The following KAZN variants were observed in gnomAD, a reference collection of about 807,000 sequenced individuals.
KAZN encodes kazrin.
Under a neutral mutation model 87.4 loss-of-function variants are expected in KAZN, and 40 were observed. The observed-to-expected ratio is 0.46, with a 90% confidence interval of 0.36 to 0.60. KAZN has a LOEUF of 0.60. Ranked by LOEUF, KAZN falls within the 20% of genes least tolerant of loss-of-function variation. The pLI is 0.00. For missense variants in KAZN, 898 were observed against 1,073.9 expected, an observed-to-expected ratio of 0.84 and a Z score of 2.29; for synonymous variants, 466 against 458.3, an observed-to-expected ratio of 1.02 and a Z score of -0.22.
chr1:15,087,399 C>CTTT (rs142552383), intron 8 of KAZN, among the ~76,000 whole-genome samples: 1 of 108,386 alleles, frequency 9.2e-6, no homozygotes, highest in African/African-American at 3.0e-5. Context: ...GCACTTTTTT[C>CTTT]TTTTTTTTTT....
chr1:14,680,436 C>T (rs946792972), intron 1 of KAZN, among the ~76,000 whole-genome samples: 10 of 152,112 alleles, frequency 6.6e-5, no homozygotes, highest in Admixed American at 3.3e-4. Flanking sequence ...TGTTGGGCTG[C>T]TTTCACTCAG....
rs1393302089 is a variant in KAZN at position 14,755,864 on chromosome 1, G to A, written c.226+156641G>A. 2.6e-5 allele frequency among the ~76,000 whole-genome samples: 4 copies of A among 152,190 alleles called. No individual in the cohort carries two copies. The East Asian group carries it at 7.7e-4, about 29-fold the overall frequency. Reference sequence around the variant, plus strand: ...TTAGGAGAAACCTGGAGAATTAGCAGGCACACAAAGCCACCTCTTGACTGG... The same window carrying A: ...TTAGGAGAAACCTGGAGAATTAGCAAGCACACAAAGCCACCTCTTGACTGG... On this transcript the variant is annotated intron_variant, in intron 1 of 14. Coordinates refer to ENST00000376030, the MANE Select transcript of KAZN (RefSeq NM_201628.3).
At chr1:14,315,768 A>G (rs1655611328) in intron 2 of KAZN, among the ~76,000 whole-genome samples, 1 of 152,076 alleles carries the variant, frequency 6.6e-6, no homozygotes, top group African/African-American at 2.4e-5. Context: ...TTCCCTTGAA[A>G]GTGTATACCA....
At position 15,104,105 on chromosome 1, in the gene KAZN, C is replaced by T; in HGVS notation, c.1964C>T (p.Ala655Val). ...CCCACATTCAATGCCGAGGCCATGGCCACTGCCCTGGGCATCCCCAGTGGG... is the reference window on the plus strand; with the variant it reads ...CCCACATTCAATGCCGAGGCCATGGTCACTGCCCTGGGCATCCCCAGTGGG... ...LEPTFNAEAM[A>V]TALGIPSGKH... The change falls in exon 13 of 15, where the codon GCC becomes GTC. Residue 655 changes from alanine (A) to valine (V), a missense_variant. Around this residue, in one of 3 missense-constraint regions of KAZN, gnomAD observed 521 missense variants for 689.4 expected, o/e 0.76. Transcript: ENST00000376030. The T allele has an allele frequency of 6.2e-7, 1 of 1,612,262 alleles. No homozygotes were observed. The highest frequency in any genetic ancestry group is 8.5e-7 in the Non-Finnish European group (1 of 1,179,308).
upstream of KAZN, among the ~76,000 whole-genome samples, chr1:14,595,123 G>A (rs1043893820): frequency 3.0e-5 from 4 of 134,738 alleles, no homozygotes; most frequent in Non-Finnish European, 6.3e-5. Flanking sequence ...CAGCCTGGGA[G>A]ACAGACCAAG....
chr1:13,980,794 T>C (rs909547666), intron 1 of KAZN, among the ~76,000 whole-genome samples: 1 of 152,076 alleles, frequency 6.6e-6, no homozygotes, highest in Non-Finnish European at 1.5e-5. Context: ...TGAAGCCTTC[T>C]TCACTTCCAT....
Position 14,064,750 on chromosome 1 carries a change from T to C in KAZN, c.92-115685T>C, listed in dbSNP as rs569210128. Among the ~76,000 whole-genome samples the C allele has an allele frequency of 2.4e-4, 36 of 152,226 alleles. 1 individual carries two copies. Among genetic ancestry groups the C allele is most frequent in the Middle Eastern group, 6.8e-3 (2 of 294 alleles). On this transcript the variant is annotated intron_variant, in intron 1 of 16. Transcript: ENST00000636203. ...ACAATGCTGGTGCTTTTGTGTAAGG[T>C]TGACTGCCCTGCGGACGCTCAGGTG...
chr1:14,498,805 G>A (rs2148423128), intron 2 of KAZN, among the ~76,000 whole-genome samples: 1 of 152,168 alleles, frequency 6.6e-6, no homozygotes, highest in South Asian at 2.1e-4. Context: ...GCCATGGGTT[G>A]GCCAAGGCAG....
At chr1:14,320,895 G>A (rs1656000567) in intron 2 of KAZN, among the ~76,000 whole-genome samples, 1 of 152,152 alleles carries the variant, frequency 6.6e-6, no homozygotes, top group Non-Finnish European at 1.5e-5. Flanking sequence ...TCATGAGTTA[G>A]ACATCTAAAG....
chr1:14,241,143 CT>C (rs1648899281), intron 2 of KAZN, among the ~76,000 whole-genome samples: 1 of 152,192 alleles, frequency 6.6e-6, no homozygotes, highest in Non-Finnish European at 1.5e-5. Context: ...CCTTTCTTAT[CT>C]TGTTGATGGT....
At chr1:14,843,811 G>C (rs896223864) in intron 1 of KAZN, among the ~76,000 whole-genome samples, 5 of 152,214 alleles carry the variant, frequency 3.3e-5, no homozygotes, top group Middle Eastern at 3.4e-3. Context: ...CTAATCTTGA[G>C]TTTGTCGAAC....
At chr1:15,057,484 A>G (rs1201922467) in intron 5 of KAZN, among the ~76,000 whole-genome samples, 1 of 152,198 alleles carries the variant, frequency 6.6e-6, no homozygotes, top group Non-Finnish European at 1.5e-5. Context: ...GTCATCATTG[A>G]TAGGTGACAC....
chr1:13,924,249 T>C (rs1640184906), intron 1 of KAZN, among the ~76,000 whole-genome samples: 4 of 152,186 alleles, frequency 2.6e-5, no homozygotes, highest in Admixed American at 2.6e-4. Flanking sequence ...AGGTATGGCT[T>C]AAAAGATAGA....
chr1:14,437,977 T>A (rs998423726), intron 2 of KAZN, among the ~76,000 whole-genome samples: 8 of 152,118 alleles, frequency 5.3e-5, no homozygotes, highest in Non-Finnish European at 1.0e-4. Context: ...ATTGGTGAAC[T>A]TCTGAAAGCA....
At chr1:14,148,974 GTTCTGTAGTTGAA>G (rs1015780377) in intron 1 of KAZN, among the ~76,000 whole-genome samples, 152 of 152,158 alleles carry the variant, frequency 1.0e-3, no homozygotes, top group African/African-American at 3.5e-3. Context: ...GCTGTAGGGT[GTTCTGTAGTTGAA>G]TTCTGTAGTT....
At chr1:14,077,005 C>T (rs1643486367) in intron 1 of KAZN, among the ~76,000 whole-genome samples, 1 of 152,134 alleles carries the variant, frequency 6.6e-6, no homozygotes, top group African/African-American at 2.4e-5. Flanking sequence ...GTCTAGGACT[C>T]CAGCCTTTAG....
intron 2 of KAZN, among the ~76,000 whole-genome samples, chr1:14,970,437 T>A (rs935333974): frequency 5.9e-5 from 9 of 152,220 alleles, no homozygotes; most frequent in African/African-American, 1.9e-4. Context: ...GAACCTGCCC[T>A]GAAGTCTGGG....
intron 2 of KAZN, among the ~76,000 whole-genome samples, chr1:14,438,884 A>G (rs973243177): frequency 3.3e-5 from 5 of 152,172 alleles, no homozygotes; most frequent in African/African-American, 1.2e-4. Context: ...CTGTTTCCCT[A>G]TGTAAGCCCT....
intron 2 of KAZN, among the ~76,000 whole-genome samples, chr1:14,375,774 G>C (rs1022832384): frequency 7.9e-5 from 12 of 152,128 alleles, no homozygotes; most frequent in Non-Finnish European, 1.6e-4. Flanking sequence ...TGTAGTCCCA[G>C]CTACTCGGGA....
Sources: allele counts gnomAD v4.1 joint callset (sites outside exome capture counted in the v4.1 genomes callset), GRCh38; gene constraint gnomAD v4.1.1; regional missense constraint gnomAD v4.1.1; transcripts MANE v1.5; gene names NCBI Gene and HGNC (gene_info 2026-07-23, HGNC 2026-07-21).